Variants in TBC1D4 observed in about 807,000 individuals in gnomAD.
TBC1D4 encodes the protein TBC1 domain family member 4, also known as TBC (Tre-2, BUB2, CDC16) domain-containing protein.
In TBC1D4, 121 loss-of-function variants were observed where a neutral mutation model predicts 142.5. The observed-to-expected ratio is 0.85, with a 90% CI of 0.73 to 0.99. TBC1D4 has a LOEUF of 0.99. Among genes scored for constraint, TBC1D4 ranks in the 50% least tolerant of loss-of-function variants. The pLI is 0.00. For missense variants in TBC1D4, 1,475 were observed against 1,606.6 expected (o/e 0.92, Z 1.40); for synonymous variants, 630 against 628.2 (o/e 1.00, Z -0.04).
chr13:75,374,970 T>C (rs1286125598), intron 1 of TBC1D4, among the ~76,000 whole-genome samples: 2 of 152,130 alleles, frequency 1.3e-5, no homozygotes. Flanking sequence ...GCCTCCAAAG[T>C]AGCCACAATA....
intron 18 of TBC1D4, 63 bp downstream of exon 18, chr13:75,294,791 G>A: frequency 6.4e-7 from 1 of 1,563,408 alleles, no homozygotes; most frequent in South Asian, 1.1e-5. Context: ...CATATGGCTA[G>A]AAGTAGAAGT....
At chr13:75,360,471 G>A (rs1304163870) in intron 2 of TBC1D4, among the ~76,000 whole-genome samples, 1 of 137,606 alleles carries the variant, frequency 7.3e-6, no homozygotes, top group Non-Finnish European at 1.6e-5. Context: ...CAGGGGTCAA[G>A]GCTGTAGTGA....
intron 1 of TBC1D4, among the ~76,000 whole-genome samples, chr13:75,418,446 G>T (rs1361704851): frequency 1.3e-5 from 2 of 152,120 alleles, no homozygotes; most frequent in African/African-American, 4.8e-5. Context: ...GAATTTTCCA[G>T]CTGAAAAAGG....
intron 1 of TBC1D4, among the ~76,000 whole-genome samples, chr13:75,421,934 T>C (rs1886188671): frequency 6.6e-6 from 1 of 152,228 alleles, no homozygotes; most frequent in Non-Finnish European, 1.5e-5. Flanking sequence ...ACAAAGATTG[T>C]GCACTCAAAT....
intron 1 of TBC1D4, among the ~76,000 whole-genome samples, chr13:75,409,696 T>C (rs1341601193): frequency 1.3e-5 from 2 of 152,386 alleles, no homozygotes; most frequent in Middle Eastern, 3.4e-3. Flanking sequence ...ATCTCTTTAA[T>C]GAATTTATAT....
intron 7 of TBC1D4, among the ~76,000 whole-genome samples, chr13:75,337,932 T>TA (rs1398495782): frequency 6.6e-6 from 1 of 152,148 alleles, no homozygotes; most frequent in East Asian, 1.9e-4. Context: ...AAACTGCAAT[T>TA]ACTTCTGCAC....
chr13:75,465,106 A>G (rs186849916), intron 1 of TBC1D4, among the ~76,000 whole-genome samples: 3 of 152,230 alleles, frequency 2.0e-5, no homozygotes, highest in Admixed American at 6.5e-5. Flanking sequence ...TGCCATCCCC[A>G]TATTATAAAT....
intron 1 of TBC1D4, among the ~76,000 whole-genome samples, chr13:75,409,942 C>G (rs2138390940): frequency 6.6e-6 from 1 of 152,172 alleles, no homozygotes; most frequent in Admixed American, 6.5e-5. Flanking sequence ...ATATTCTGAC[C>G]CACTTGACAG....
intron 1 of TBC1D4, 126 bp downstream of exon 1, chr13:75,481,144 C>G: frequency 7.2e-7 from 1 of 1,394,496 alleles, no homozygotes; most frequent in Non-Finnish European, 9.5e-7. Context: ...GAGCGCGCCA[C>G]GTGGAGCGCG....
chr13:75,347,039 T>G (rs1441962251), intron 5 of TBC1D4, among the ~76,000 whole-genome samples: 1 of 152,198 alleles, frequency 6.6e-6, no homozygotes, highest in Non-Finnish European at 1.5e-5. Flanking sequence ...TAAAAGTTTT[T>G]CTTATCAAGA....
intron 4 of TBC1D4, among the ~76,000 whole-genome samples, chr13:75,352,973 C>T (rs1331448927): frequency 6.6e-6 from 1 of 152,132 alleles, no homozygotes; most frequent in Non-Finnish European, 1.5e-5. Flanking sequence ...TAATTTTTTT[C>T]TTGAGGCTTG....
At chr13:75,320,130 T>C in intron 11 of TBC1D4, 93 bp from the exon 12 acceptor site, 2 of 1,343,856 alleles carry the variant, frequency 1.5e-6, no homozygotes, top group East Asian at 2.4e-5. Context: ...AAGTCATCAA[T>C]AAGTCATGGT....
intron 17 of TBC1D4, 141 bp from the exon 18 acceptor site, chr13:75,295,154 G>A (rs1196316370): frequency 3.6e-6 from 3 of 832,846 alleles, no homozygotes; most frequent in African/African-American, 3.4e-5. Flanking sequence ...TGATTTTAAA[G>A]TTGATACTAA....
intron 1 of TBC1D4, among the ~76,000 whole-genome samples, chr13:75,389,071 A>G (rs958534664): frequency 1.3e-5 from 2 of 152,256 alleles, no homozygotes; most frequent in African/African-American, 2.4e-5. Context: ...TGCTTGGCGC[A>G]TAAGTGCTCA....
intron 1 of TBC1D4, among the ~76,000 whole-genome samples, chr13:75,386,428 AC>A (rs1222405174): frequency 1.4e-4 from 20 of 144,654 alleles, no homozygotes; most frequent in African/African-American, 5.3e-4. Flanking sequence ...TCACACTGTC[AC>A]CCAGGCTGGA....
intron 11 of TBC1D4, among the ~76,000 whole-genome samples, chr13:75,320,917 G>A (rs887526508): frequency 1.3e-5 from 2 of 149,812 alleles, no homozygotes; most frequent in Admixed American, 1.3e-4. Flanking sequence ...GCGGGCGCCT[G>A]TAGTCCCAGC....
At chr13:75,443,271 A>G (rs1887131205) in intron 1 of TBC1D4, among the ~76,000 whole-genome samples, 1 of 152,264 alleles carries the variant, frequency 6.6e-6, no homozygotes, top group Non-Finnish European at 1.5e-5. Flanking sequence ...GAACATAAAA[A>G]TAAGAATTAG....
intron 17 of TBC1D4, among the ~76,000 whole-genome samples, chr13:75,295,548 T>A (rs1010398963): frequency 6.6e-6 from 1 of 152,230 alleles, no homozygotes; most frequent in African/African-American, 2.4e-5. Flanking sequence ...TTGAGATTTA[T>A]TTCTAATATT....
chr13:75,476,072 G>A (rs1164457958), intron 1 of TBC1D4, among the ~76,000 whole-genome samples: 3 of 151,952 alleles, frequency 2.0e-5, no homozygotes, highest in Admixed American at 1.3e-4. Context: ...GTGAAACCCC[G>A]TCTCTACTAA....
Sources: allele counts gnomAD v4.1 joint callset (sites outside exome capture counted in the v4.1 genomes callset), GRCh38; gene constraint gnomAD v4.1.1; transcripts MANE v1.5; gene names NCBI Gene and HGNC (gene_info 2026-07-23, HGNC 2026-07-21).